The following NRG1 variants were observed in gnomAD, a reference collection of about 807,000 sequenced individuals.
NRG1 encodes the protein pro-neuregulin-1, membrane-bound isoform.
NRG1 carries 18 observed loss-of-function variants against 63.8 expected under a neutral mutation model. That is an observed-to-expected ratio of 0.28 (90% CI 0.19 to 0.42). The LOEUF (loss-of-function observed/expected upper bound fraction) is 0.42. Ranked by LOEUF, NRG1 falls within the 10% of genes least tolerant of loss-of-function variation. The pLI is 1.00. For synonymous variants in NRG1, 302 were observed against 301.3 expected, an observed-to-expected ratio of 1.00 and a Z score of -0.02; for missense variants, 762 against 814.7, an observed-to-expected ratio of 0.94 and a Z score of 0.79.
At chr8:31,773,020 A>C (rs1818782876) in intron 1 of NRG1, among the ~76,000 whole-genome samples, 1 of 152,218 alleles carries the variant, frequency 6.6e-6, no homozygotes, top group South Asian at 2.1e-4. Flanking sequence ...CCATCTGTGA[A>C]GGTCCTGGCT....
chr8:32,196,943 C>CTTTTTTTTTTTGTTTTT (rs1843011155), intron 1 of NRG1, among the ~76,000 whole-genome samples: 1 of 27,444 alleles, frequency 3.6e-5, no homozygotes, highest in Non-Finnish European at 7.2e-5. Flanking sequence ...TCAGAACATT[C>CTTTTTTTTTTTGTTTTT]TTTTTTTTTT....
upstream of NRG1, among the ~76,000 whole-genome samples, chr8:32,545,621 G>T (rs1588198477): frequency 6.6e-6 from 1 of 151,436 alleles, no homozygotes; most frequent in Admixed American, 6.6e-5. Flanking sequence ...TCAAATTCTT[G>T]ATAAATCTCA....
At chr8:32,552,009 C>T (rs1834230545) in intron 1 of NRG1, among the ~76,000 whole-genome samples, 1 of 145,958 alleles carries the variant, frequency 6.9e-6, no homozygotes. Flanking sequence ...CTCCTGGGTT[C>T]AAGTGATTCC....
intron 1 of NRG1, among the ~76,000 whole-genome samples, chr8:31,693,270 T>G (rs1809717909): frequency 6.6e-6 from 1 of 152,178 alleles, no homozygotes; most frequent in African/African-American, 2.4e-5. Context: ...ATAAGAAAAT[T>G]CTATAATCTT....
At chr8:32,047,637 T>G (rs1821220077) in intron 1 of NRG1, among the ~76,000 whole-genome samples, 1 of 152,010 alleles carries the variant, frequency 6.6e-6, no homozygotes, top group Non-Finnish European at 1.5e-5. Flanking sequence ...TTCCTTTTTA[T>G]TTTTTAATTG....
intron 1 of NRG1, among the ~76,000 whole-genome samples, chr8:32,468,429 A>G (rs867544340): frequency 6.6e-6 from 1 of 152,114 alleles, no homozygotes; most frequent in Admixed American, 6.6e-5. Flanking sequence ...GTTACTTCAA[A>G]CCCTTTAATT....
At chr8:32,110,619 C>T (rs916621506) in intron 1 of NRG1, among the ~76,000 whole-genome samples, 5 of 152,084 alleles carry the variant, frequency 3.3e-5, no homozygotes, top group African/African-American at 9.7e-5. Context: ...CTGTTTGAAG[C>T]TCTGTTACAA....
intron 1 of NRG1, among the ~76,000 whole-genome samples, chr8:31,756,029 T>G (rs1328581194): frequency 6.6e-6 from 1 of 152,168 alleles, no homozygotes; most frequent in Non-Finnish European, 1.5e-5. Context: ...CCCCTCTGTT[T>G]GATTAGCTAG....
At chr8:32,372,143 C>G (rs911265648) in intron 1 of NRG1, among the ~76,000 whole-genome samples, 1 of 151,938 alleles carries the variant, frequency 6.6e-6, no homozygotes, top group Non-Finnish European at 1.5e-5. Context: ...CATGTGCCAC[C>G]ATGCCAGGCT....
chr8:31,769,653 A>T (rs1408569057), intron 1 of NRG1, among the ~76,000 whole-genome samples: 2 of 152,214 alleles, frequency 1.3e-5, no homozygotes, highest in Non-Finnish European at 2.9e-5. Context: ...AGGGGTGCAC[A>T]CAAGAGTCTC....
chr8:31,701,273 TC>T (rs776806957), intron 1 of NRG1, among the ~76,000 whole-genome samples: 5 of 152,090 alleles, frequency 3.3e-5, no homozygotes, highest in Non-Finnish European at 5.9e-5. Flanking sequence ...TGTCCTTCCT[TC>T]CCCTATCACT....
intron 1 of NRG1, among the ~76,000 whole-genome samples, chr8:32,108,133 C>G (rs1831514555): frequency 6.6e-6 from 1 of 152,114 alleles, no homozygotes; most frequent in African/African-American, 2.4e-5. Flanking sequence ...AACCATGACC[C>G]TCCTCAAAGA....
intron 1 of NRG1, among the ~76,000 whole-genome samples, chr8:32,260,751 CT>C (rs1224182981): frequency 6.6e-6 from 1 of 152,156 alleles, no homozygotes; most frequent in African/African-American, 2.4e-5. Context: ...CTCAAAGGAG[CT>C]TCATGCTCTC....
At chr8:32,107,264 C>A (rs949565149) in intron 1 of NRG1, among the ~76,000 whole-genome samples, 2 of 152,008 alleles carry the variant, frequency 1.3e-5, no homozygotes, top group African/African-American at 4.8e-5. Flanking sequence ...CAATTGGGAT[C>A]TATTTTTAGT....
intron 1 of NRG1, among the ~76,000 whole-genome samples, chr8:31,809,656 TTTC>T (rs1366326790): frequency 1.3e-5 from 2 of 151,308 alleles, no homozygotes; most frequent in African/African-American, 2.4e-5. Context: ...CCAACCAGTT[TTTC>T]TTAATGGCTG....
At chr8:32,490,262 G>A (rs766287260) in intron 1 of NRG1, among the ~76,000 whole-genome samples, 42 of 151,498 alleles carry the variant, frequency 2.8e-4, no homozygotes, top group Non-Finnish European at 4.3e-4. Context: ...CTGATATCGC[G>A]CCACTGCACT....
chr8:32,189,141 G>T lies in NRG1; in HGVS notation c.38-406687G>T, dbSNP rs937719115. 2.6e-5 allele frequency among the ~76,000 whole-genome samples: 4 copies of T among 152,022 alleles called. No individual in the cohort carries two copies. The South Asian group carries it at 8.3e-4, about 32-fold the overall frequency. On this transcript the variant is annotated intron_variant, in intron 1 of 10. Coordinates refer to the NRG1 transcript ENST00000519301. ...GTAAAAGATTTCAACATTTGCTTTAGATTCAGGGGGTTACATGTACAGGTT... is the reference window on the plus strand; with the variant it reads ...GTAAAAGATTTCAACATTTGCTTTATATTCAGGGGGTTACATGTACAGGTT...
At chr8:32,294,238 T>C (rs1439316756) in intron 1 of NRG1, among the ~76,000 whole-genome samples, 3 of 151,870 alleles carry the variant, frequency 2.0e-5, no homozygotes, top group Non-Finnish European at 4.4e-5. Flanking sequence ...TCCGAAACAA[T>C]GGGTTTTGGG....
intron 1 of NRG1, among the ~76,000 whole-genome samples, chr8:31,973,924 C>T (rs1424859604): frequency 3.3e-5 from 5 of 152,102 alleles, no homozygotes; most frequent in Non-Finnish European, 7.4e-5. Context: ...ATTCACTCTC[C>T]GTCTTAGCAG....
Sources: gnomAD v4.1 joint callset for allele counts (sites outside exome capture counted in the v4.1 genomes callset) on GRCh38, gnomAD v4.1.1 for gene constraint, MANE v1.5 for transcripts, NCBI Gene and HGNC (gene_info 2026-07-23, HGNC 2026-07-21) for gene names.